PAM: variants seen among roughly 807,000 people sequenced by gnomAD.
The protein encoded by PAM is peptidylglycine alpha-amidating monooxygenase.
A neutral mutation model predicts 122.1 loss-of-function variants in PAM; 72 were observed. The ratio of observed to expected loss-of-function variants is 0.59; its 90% CI spans 0.49 to 0.72. The LOEUF (loss-of-function observed/expected upper bound fraction) is 0.72. Among genes scored for constraint, PAM ranks in the 30% least tolerant of loss-of-function variants. The pLI, the probability that PAM is intolerant of heterozygous loss-of-function variation, is 0.00. For missense variants in PAM, 1,106 were observed against 1,183.7 expected (o/e 0.93, Z 0.96); for synonymous variants, 389 against 404.4 (o/e 0.96, Z 0.46).
At chr5:102,772,779 T>G (rs1352756274) in intron 1 of PAM, among the ~76,000 whole-genome samples, 1 of 152,112 alleles carries the variant, frequency 6.6e-6, no homozygotes, top group Non-Finnish European at 1.5e-5. Context: ...TGTTGATGTT[T>G]TGCTGAAAGT....
At chr5:102,762,958 G>T (rs1752808144) in intron 1 of PAM, among the ~76,000 whole-genome samples, 1 of 152,170 alleles carries the variant, frequency 6.6e-6, no homozygotes, top group Admixed American at 6.5e-5. Flanking sequence ...AAGTTTTAAT[G>T]GTTTCTCTGC....
intron 25 of PAM, 146 bp from the exon 26 acceptor site, chr5:103,028,739 GTC>G (rs898667482): frequency 3.4e-6 from 2 of 591,332 alleles, no homozygotes; most frequent in African/African-American, 1.9e-5. Flanking sequence ...TGTAGGATAC[GTC>G]TCTGTCTGTT....
chr5:102,934,180 C>T (rs925348193), intron 7 of PAM, among the ~76,000 whole-genome samples: 2 of 152,180 alleles, frequency 1.3e-5, no homozygotes, highest in African/African-American at 4.8e-5. Flanking sequence ...TACTGCTCCT[C>T]CAACCTCAGC....
intron 15 of PAM, among the ~76,000 whole-genome samples, chr5:102,983,816 C>A (rs1770782819): frequency 6.6e-6 from 1 of 152,120 alleles, no homozygotes; most frequent in South Asian, 2.1e-4. Context: ...TATAAGGAAA[C>A]CCCCTTCGGA....
intron 1 of PAM, among the ~76,000 whole-genome samples, chr5:102,850,173 A>G (rs549020190): frequency 5.4e-4 from 83 of 152,318 alleles, no homozygotes; most frequent in Non-Finnish European, 1.1e-3. Flanking sequence ...GTTTGGGGAT[A>G]TAACAGTGGA....
chr5:102,931,763 C>T (rs1287687516), intron 7 of PAM, among the ~76,000 whole-genome samples: 2 of 151,994 alleles, frequency 1.3e-5, no homozygotes, highest in South Asian at 2.1e-4. Flanking sequence ...AAGCTCTTGG[C>T]GCATATGGGA....
At chr5:103,007,904 A>G (rs1779518517) in intron 20 of PAM, among the ~76,000 whole-genome samples, 1 of 152,138 alleles carries the variant, frequency 6.6e-6, no homozygotes, top group African/African-American at 2.4e-5. Flanking sequence ...GTTCCCAAAC[A>G]TTGATTTTCA....
intron 1 of PAM, among the ~76,000 whole-genome samples, chr5:102,857,394 T>C (rs1353077348): frequency 6.6e-6 from 1 of 152,174 alleles, no homozygotes; most frequent in Admixed American, 6.5e-5. Flanking sequence ...AAATCTTTCA[T>C]TTTGAAATGT....
rs571595454 is a variant in PAM, at chr5:102,926,558, T to C, written c.443-27T>C. The C allele has an allele frequency of 6.9e-6, 9 of 1,303,974 alleles. No individual in the cohort carries two copies. In the Admixed American group the frequency reaches 1.0e-4, roughly 15 times the overall value. The allele number at this position is 1,303,974 out of a possible 1,614,324, so 80.8% of individuals were successfully genotyped here. On this transcript the variant is annotated intron_variant, in intron 6 of 25. Coordinates refer to ENST00000438793, the MANE Select transcript of PAM (RefSeq NM_001177306.2). ...CTCCATTTTAGATGCTCATTTCTAA[T>C]ATATTAACTTTTTTGTAAATCTTTA...
intron 1 of PAM, among the ~76,000 whole-genome samples, chr5:102,787,923 G>C (rs1760981817): frequency 6.6e-6 from 1 of 152,050 alleles, no homozygotes; most frequent in African/African-American, 2.4e-5. Context: ...CCAGGTTGCT[G>C]CTATCATTAT....
chr5:102,966,233 A>T (rs2241565), intron 14 of PAM, among the ~76,000 whole-genome samples: 44,177 of 151,834 alleles, frequency 0.29, 6,660 homozygotes, highest in East Asian at 0.43. Flanking sequence ...ACAATTCTAA[A>T]TACCCCCCAA....
At chr5:102,873,526 C>T (rs1788192949) in intron 3 of PAM, 1 of 152,432 alleles carries the variant, frequency 6.6e-6, no homozygotes, top group African/African-American at 2.4e-5. Context: ...GTCCAGCCTA[C>T]CTTCCCTAGT....
chr5:102,926,250 G>T (rs147915264), intron 6 of PAM, among the ~76,000 whole-genome samples: 1 of 152,120 alleles, frequency 6.6e-6, no homozygotes, highest in Non-Finnish European at 1.5e-5. Flanking sequence ...GCCCGCCACC[G>T]CGCCCGGCTA....
intron 12 of PAM, among the ~76,000 whole-genome samples, chr5:102,951,067 C>T (rs1758710569): frequency 1.3e-5 from 2 of 151,988 alleles, no homozygotes; most frequent in South Asian, 2.1e-4. Context: ...CTAAATATTA[C>T]AGTTATCAAA....
intron 11 of PAM, among the ~76,000 whole-genome samples, chr5:102,950,487 C>A (rs183892195): frequency 4.6e-5 from 7 of 150,870 alleles, no homozygotes; most frequent in South Asian, 4.2e-4. Context: ...GTGTACCAAG[C>A]TTCACATTAT....
At position 103,000,021 on chromosome 5, in the gene PAM, T is replaced by G. The variant is rs573042954; in HGVS notation, c.1614-3012T>G. Among the ~76,000 whole-genome samples, 5 of 152,354 alleles carry G rather than the reference T, an allele frequency of 3.3e-5. No individual in the cohort carries two copies. The South Asian group carries it at 6.2e-4, about 19-fold the overall frequency. ...TCTCCTCAGAAAATGGGTTTTTCTT[T>G]TCTATCACATCATCAGGCTGCAAAT... On this transcript the variant is annotated intron_variant, in intron 16 of 25. Transcript: ENST00000438793.
intron 3 of PAM, among the ~76,000 whole-genome samples, chr5:102,870,494 C>G (rs896939116): frequency 7.2e-5 from 11 of 152,116 alleles, no homozygotes; most frequent in African/African-American, 2.7e-4. Flanking sequence ...TTCTGCCATA[C>G]CACAGGACTT....
At chr5:102,812,857 G>C (rs1478022141) in intron 1 of PAM, among the ~76,000 whole-genome samples, 4 of 151,828 alleles carry the variant, frequency 2.6e-5, no homozygotes, top group Non-Finnish European at 5.9e-5. Flanking sequence ...TATACATTTA[G>C]TTATTTCTTT....
At chr5:102,808,022 G>A (rs1340275433) in intron 1 of PAM, 1 of 152,150 alleles carries the variant, frequency 6.6e-6, no homozygotes, top group Non-Finnish European at 1.5e-5. Context: ...GGAGCCCCAG[G>A]AAGTTGTTAA....
Sources: gnomAD v4.1 joint callset for allele counts (sites outside exome capture counted in the v4.1 genomes callset) on GRCh38, gnomAD v4.1.1 for gene constraint, MANE v1.5 for transcripts, NCBI Gene and HGNC (gene_info 2026-07-23, HGNC 2026-07-21) for gene names.